The following LIPC variants were observed in gnomAD, a reference collection of about 807,000 sequenced individuals.
The protein encoded by LIPC is hepatic triacylglycerol lipase.
Under a neutral mutation model 50.7 loss-of-function variants are expected in LIPC, and 44 were observed. The ratio of observed to expected loss-of-function variants is 0.87; its 90% CI spans 0.68 to 1.11. LIPC has a LOEUF of 1.11. LIPC is among the 50% of genes most tolerant of loss of function. The pLI, the probability that LIPC is intolerant of heterozygous loss-of-function variation, is 0.00. For synonymous variants in LIPC, 271 were observed against 256.4 expected (o/e 1.06, Z -0.54); for missense variants, 697 against 648.2 (o/e 1.08, Z -0.82).
intron 1 of LIPC, among the ~76,000 whole-genome samples, chr15:58,507,132 A>G (rs1892178480): frequency 6.6e-6 from 1 of 152,232 alleles, no homozygotes; most frequent in South Asian, 2.1e-4. Context: ...CTACAATTCA[A>G]TATGAGATTT....
At chr15:58,546,154 G>T (rs1490694933) in intron 5 of LIPC, among the ~76,000 whole-genome samples, 179 bp downstream of exon 5, 1 of 152,234 alleles carries the variant, frequency 6.6e-6, no homozygotes, top group African/African-American at 2.4e-5. Flanking sequence ...AAGGGTGCCT[G>T]TCCCCCAGCA....
At chr15:58,504,926 T>C (rs1892097739) in intron 1 of LIPC, among the ~76,000 whole-genome samples, 1 of 152,216 alleles carries the variant, frequency 6.6e-6, no homozygotes, top group Non-Finnish European at 1.5e-5. Flanking sequence ...CTCCTGGTTA[T>C]GTAGCACTGG....
chr15:58,522,929 C>T (rs920958247), intron 1 of LIPC: 6 of 152,296 alleles, frequency 3.9e-5, no homozygotes, highest in Non-Finnish European at 8.8e-5. Context: ...TTCCAACATT[C>T]GTCACTTTTG....
At chr15:58,505,722 TA>T (rs1370761724) in intron 1 of LIPC, among the ~76,000 whole-genome samples, 1 of 152,202 alleles carries the variant, frequency 6.6e-6, no homozygotes, top group Non-Finnish European at 1.5e-5. Context: ...CCCTCACTCT[TA>T]GTCACCCTCC....
intron 1 of LIPC, among the ~76,000 whole-genome samples, chr15:58,473,328 A>T (rs569982848): frequency 6.6e-6 from 1 of 152,352 alleles, no homozygotes; most frequent in Admixed American, 6.5e-5. Context: ...CATTTCCGAA[A>T]GGAAAACAGT....
intron 1 of LIPC, among the ~76,000 whole-genome samples, chr15:58,482,729 A>G (rs896876954): frequency 2.0e-5 from 3 of 152,170 alleles, no homozygotes; most frequent in African/African-American, 7.2e-5. Flanking sequence ...TGTATTTCTG[A>G]GGTAACATTT....
At chr15:58,435,051 C>T (rs1893247610) in intron 1 of LIPC, 1 of 152,180 alleles carries the variant, frequency 6.6e-6, no homozygotes, top group Non-Finnish European at 1.5e-5. Context: ...ATCAATATTT[C>T]CTTCATTAGA....
Position 58,448,214 on chromosome 15 carries a change from G to A in LIPC, c.88+16094G>A, listed in dbSNP as rs189076911. ...TTTGGATAAATCACTCTCCTCTCAC[G>A]TGGACTAGGGTTGGGAGCTCTTCAA... is the stretch of plus-strand genomic sequence containing the variant. On this transcript the variant is annotated intron_variant, in intron 1 of 8. Transcript: ENST00000299022. Among the ~76,000 whole-genome samples the A allele has an allele frequency of 3.9e-5, 6 of 152,292 alleles. 1 individual carries two copies. The highest frequency in any genetic ancestry group is 2.1e-4 in the South Asian group (1 of 4,830).
chr15:58,506,232 A>T (rs1220847837), intron 1 of LIPC, among the ~76,000 whole-genome samples: 1 of 151,906 alleles, frequency 6.6e-6, no homozygotes, highest in East Asian at 1.9e-4. Flanking sequence ...CAGAAAGGAG[A>T]CTTCTATGAC....
At chr15:58,497,102 G>C (rs1891799799) in intron 1 of LIPC, among the ~76,000 whole-genome samples, 1 of 152,242 alleles carries the variant, frequency 6.6e-6, no homozygotes, top group African/African-American at 2.4e-5. Context: ...GCAGTAGTTA[G>C]AGCTGCCACT....
chr15:58,449,337 T>C (rs536621212), intron 1 of LIPC, among the ~76,000 whole-genome samples: 1 of 152,256 alleles, frequency 6.6e-6, no homozygotes, highest in East Asian at 1.9e-4. Context: ...CAGAGGTGCA[T>C]CTCTCTCCTT....
At chr15:58,535,769 C>G (rs1893097386) in intron 1 of LIPC, among the ~76,000 whole-genome samples, 1 of 152,212 alleles carries the variant, frequency 6.6e-6, no homozygotes, top group African/African-American at 2.4e-5. Flanking sequence ...ATCCTCCTAA[C>G]AACCTCATAA....
chr15:58,448,951 A>C (rs569462611), intron 1 of LIPC, among the ~76,000 whole-genome samples: 1 of 152,302 alleles, frequency 6.6e-6, no homozygotes, highest in South Asian at 2.1e-4. Context: ...AAGGACAAAA[A>C]CCAGGCTTGG....
At chr15:58,456,931 T>A (rs1894142650) in intron 1 of LIPC, among the ~76,000 whole-genome samples, 1 of 152,024 alleles carries the variant, frequency 6.6e-6, no homozygotes, top group Non-Finnish European at 1.5e-5. Flanking sequence ...AATAAGAAAA[T>A]AGAAACTATG....
intron 1 of LIPC, among the ~76,000 whole-genome samples, chr15:58,508,724 G>GT (rs372207098): frequency 1.4e-4 from 8 of 57,030 alleles, no homozygotes; most frequent in South Asian, 1.0e-3. Flanking sequence ...ATTAGTCCCA[G>GT]TTTTTTTTTG....
chr15:58,502,324 C>T (rs1892009817), intron 1 of LIPC, among the ~76,000 whole-genome samples: 1 of 152,146 alleles, frequency 6.6e-6, no homozygotes, highest in Non-Finnish European at 1.5e-5. Flanking sequence ...ACCCACCCTC[C>T]CCACCAGATT....
intron 1 of LIPC, among the ~76,000 whole-genome samples, chr15:58,517,670 C>G (rs1892526435): frequency 6.6e-6 from 1 of 152,220 alleles, no homozygotes; most frequent in African/African-American, 2.4e-5. Flanking sequence ...AAATTGAACA[C>G]AGGGCAACAG....
At position 58,541,940 on chromosome 15, in the gene LIPC, G is replaced by C. The variant is rs747769773; in HGVS notation, c.429G>C (p.Glu143Asp). Residue 143 changes from glutamate (E) to aspartate (D), a missense_variant, in exon 3 of 9, where the codon GAG (glutamate) becomes GAC (aspartate). Physicochemically the swap from Glu to Asp is conservative, Grantham distance 45. Transcript: ENST00000299022. ...GCAACACCCGCCTTGTGGGCAAGGA[G>C]GTCGCGGCTCTTCTCCGGTGGCTGG... ...AVRNTRLVGK[E>D]VAALLRWLEE... is the part of the protein sequence containing the mutation. 1.9e-6 allele frequency: 3 copies of C among 1,611,062 alleles called. No individual in the cohort carries two copies. The highest frequency in any genetic ancestry group is 2.2e-5 in the South Asian group (2 of 90,740).
At chr15:58,538,271 G>A in intron 1 of LIPC, 62 bp from the exon 2 acceptor site, 1 of 1,519,526 alleles carries the variant, frequency 6.6e-7, no homozygotes, top group Non-Finnish European at 9.1e-7. Flanking sequence ...CCTTTGAGAA[G>A]ACGGAGGGCT....
Sources: gnomAD v4.1 joint callset for allele counts (sites outside exome capture counted in the v4.1 genomes callset) on GRCh38, gnomAD v4.1.1 for gene constraint, MANE v1.5 for transcripts, NCBI Gene and HGNC (gene_info 2026-07-23, HGNC 2026-07-21) for gene names.